Variants in KCNIP1 observed in about 807,000 individuals in gnomAD.
KCNIP1 encodes the protein A-type potassium channel modulatory protein KCNIP1.
Under a neutral mutation model 33.0 loss-of-function variants are expected in KCNIP1, and 18 were observed. The observed-to-expected ratio is 0.55, with a 90% CI of 0.38 to 0.81. KCNIP1 has a LOEUF of 0.81. Among genes scored for constraint, KCNIP1 ranks in the 30% least tolerant of loss-of-function variants. The pLI, the probability that KCNIP1 is intolerant of heterozygous loss-of-function variation, is 0.00. For synonymous variants in KCNIP1, 93 were observed against 98.3 expected (o/e 0.95, Z 0.32); for missense variants, 238 against 271.6 (o/e 0.88, Z 0.87).
At chr5:170,421,516 G>A (rs1302328913) in intron 1 of KCNIP1, among the ~76,000 whole-genome samples, 2 of 152,100 alleles carry the variant, frequency 1.3e-5, no homozygotes, top group Non-Finnish European at 2.9e-5. Context: ...TTAAGAGTTG[G>A]TGTCTGGTGG....
At chr5:170,463,338 A>G (rs1243952595) in intron 1 of KCNIP1, among the ~76,000 whole-genome samples, 3 of 152,266 alleles carry the variant, frequency 2.0e-5, no homozygotes, top group African/African-American at 7.2e-5. Context: ...TGAGGCCAGT[A>G]TTATCCCATT....
chr5:170,416,541 A>G (rs1191567662), intron 1 of KCNIP1, among the ~76,000 whole-genome samples: 1 of 152,218 alleles, frequency 6.6e-6, no homozygotes, highest in Non-Finnish European at 1.5e-5. Flanking sequence ...CCTCAATGCT[A>G]CGACAGAGCT....
intron 1 of KCNIP1, among the ~76,000 whole-genome samples, chr5:170,506,960 C>A (rs1754744801): frequency 1.3e-5 from 2 of 152,242 alleles, no homozygotes; most frequent in Non-Finnish European, 1.5e-5. Flanking sequence ...CTGGAGGAAG[C>A]CCTGGCTGAG....
chr5:170,725,259 G>C (rs1342352028), intron 5 of KCNIP1, among the ~76,000 whole-genome samples: 2 of 152,196 alleles, frequency 1.3e-5, no homozygotes, highest in Admixed American at 6.5e-5. Flanking sequence ...TAATAGCCAA[G>C]ATTTGGAAGC....
chr5:170,475,841 C>T (rs981194129), intron 1 of KCNIP1, among the ~76,000 whole-genome samples: 1 of 152,166 alleles, frequency 6.6e-6, no homozygotes, highest in African/African-American at 2.4e-5. Flanking sequence ...ATCCTATTCC[C>T]AGCTCAGAGC....
At chr5:170,610,383 A>G (rs1759098585) in intron 1 of KCNIP1, among the ~76,000 whole-genome samples, 1 of 152,208 alleles carries the variant, frequency 6.6e-6, no homozygotes. Context: ...CCTACTTAGC[A>G]TACACTCATG....
At chr5:170,446,850 C>T (rs1483594400) in intron 1 of KCNIP1, among the ~76,000 whole-genome samples, 2 of 152,170 alleles carry the variant, frequency 1.3e-5, no homozygotes, top group Non-Finnish European at 2.9e-5. Context: ...TTAACTGGGC[C>T]CTCACGTCCC....
At chr5:170,482,990 T>C in intron 1 of KCNIP1, 1 of 429,916 alleles carries the variant, frequency 2.3e-6, no homozygotes, top group South Asian at 1.7e-5. Flanking sequence ...CTAGAAAACA[T>C]AGCCTAAATT....
At chr5:170,424,838 C>G (rs1279861841) in intron 1 of KCNIP1, among the ~76,000 whole-genome samples, 1 of 152,252 alleles carries the variant, frequency 6.6e-6, no homozygotes, top group East Asian at 1.9e-4. Context: ...CCCTCAAGGC[C>G]TTTTATGATA....
At chr5:170,722,276 G>A (rs75264808) in intron 4 of KCNIP1, among the ~76,000 whole-genome samples, 3,680 of 152,292 alleles carry the variant, frequency 0.024, 63 homozygotes, top group Non-Finnish European at 0.032. Context: ...GTAAGGCAAA[G>A]AGAGATAGAG....
intron 1 of KCNIP1, among the ~76,000 whole-genome samples, chr5:170,380,056 C>T (rs1008268252): frequency 6.6e-6 from 1 of 152,002 alleles, no homozygotes; most frequent in African/African-American, 2.4e-5. Flanking sequence ...GGGTATTTGA[C>T]ACTGGGATCC....
At chr5:170,676,110 AG>A (rs1300607248) in intron 1 of KCNIP1, among the ~76,000 whole-genome samples, 2 of 75,510 alleles carry the variant, frequency 2.6e-5, no homozygotes, top group Non-Finnish European at 5.4e-5. Context: ...GGGAGGAAGA[AG>A]GGAGGGAGGG....
At chr5:170,561,163 G>A (rs1378653750) in intron 1 of KCNIP1, 1 of 454,636 alleles carries the variant, frequency 2.2e-6, no homozygotes, top group East Asian at 7.0e-5. Flanking sequence ...TCCTTCGAGG[G>A]CTGAGATGAA....
chr5:170,513,682 G>T (rs1230544633), intron 1 of KCNIP1, among the ~76,000 whole-genome samples: 1 of 152,208 alleles, frequency 6.6e-6, no homozygotes, highest in Non-Finnish European at 1.5e-5. Flanking sequence ...ACTGCAACTA[G>T]AGACTTGCCT....
intron 1 of KCNIP1, among the ~76,000 whole-genome samples, chr5:170,642,561 C>A (rs1760611646): frequency 1.3e-5 from 2 of 152,198 alleles, no homozygotes; most frequent in South Asian, 4.1e-4. Context: ...ATCGCCAAAG[C>A]AAAGCCTCAG....
At chr5:170,534,437 C>A (rs1350882144) in intron 1 of KCNIP1, among the ~76,000 whole-genome samples, 2 of 149,226 alleles carry the variant, frequency 1.3e-5, no homozygotes, top group Non-Finnish European at 3.0e-5. Context: ...CAGAGTGAGA[C>A]CCTTAAAAAA....
chr5:170,512,989 G>T (rs944203442), intron 1 of KCNIP1, among the ~76,000 whole-genome samples: 1 of 151,888 alleles, frequency 6.6e-6, no homozygotes, highest in African/African-American at 2.4e-5. Context: ...GGTGGAGCTT[G>T]CAGTGAGCCG....
chr5:170,674,426 T>C (rs1762052723), intron 1 of KCNIP1, among the ~76,000 whole-genome samples: 1 of 152,178 alleles, frequency 6.6e-6, no homozygotes, highest in Non-Finnish European at 1.5e-5. Flanking sequence ...CAACAAATGA[T>C]TGGCGCTGAC....
Position 170,642,778 on chromosome 5 carries a change from T to C in KCNIP1, c.62-75980T>C, listed in dbSNP as rs1760624882. Among the ~76,000 whole-genome samples, 3 of 152,200 alleles carry C rather than the reference T, an allele frequency of 2.0e-5. 1 individual carries two copies. The South Asian group carries it at 6.2e-4, about 31-fold the overall frequency. The stretch of plus-strand genomic sequence containing the variant: ...GAGAGTTGAATTCCAGTGCTGTGAT[T>C]AAAACCAATATTCCACATAATGCAA... On this transcript the variant is annotated intron_variant, in intron 1 of 7. Coordinates refer to ENST00000328939, the MANE Select transcript of KCNIP1 (RefSeq NM_014592.4).
Sources: gnomAD v4.1 joint callset for allele counts (sites outside exome capture counted in the v4.1 genomes callset) on GRCh38, gnomAD v4.1.1 for gene constraint, MANE v1.5 for transcripts, NCBI Gene and HGNC (gene_info 2026-07-23, HGNC 2026-07-21) for gene names.